SPPL3: variants seen among roughly 807,000 people sequenced by gnomAD.
SPPL3 encodes signal peptide peptidase-like 3.
In SPPL3, 5 loss-of-function variants were observed where a neutral mutation model predicts 42.4. The ratio of observed to expected loss-of-function variants is 0.12; its 90% CI spans 0.06 to 0.25. The LOEUF (loss-of-function observed/expected upper bound fraction) is 0.25, where lower values mean the gene tolerates loss of function less well. SPPL3 is among the 10% of genes least tolerant of loss of function. The pLI is 1.00. For missense variants in SPPL3, 235 were observed against 489.0 expected (o/e 0.48, Z 4.90); for synonymous variants, 195 against 181.8 (o/e 1.07, Z -0.58).
chr12:120,818,769 CA>C (rs1446090805), intron 1 of SPPL3, among the ~76,000 whole-genome samples: 1 of 152,120 alleles, frequency 6.6e-6, no homozygotes, highest in African/African-American at 2.4e-5. Context: ...AGCTTTAGCA[CA>C]TGTGGGTTAG....
At chr12:120,864,385 A>G (rs1396676379) in intron 1 of SPPL3, among the ~76,000 whole-genome samples, 1 of 152,080 alleles carries the variant, frequency 6.6e-6, no homozygotes, top group Non-Finnish European at 1.5e-5. Flanking sequence ...AAATATAAAA[A>G]TCAGCCGGGT....
chr12:120,865,496 T>C (rs1268306127), intron 1 of SPPL3, among the ~76,000 whole-genome samples: 1 of 152,232 alleles, frequency 6.6e-6, no homozygotes, highest in Non-Finnish European at 1.5e-5. Flanking sequence ...CTATGAAAGC[T>C]GTGAGGATTC....
At chr12:120,835,103 CCA>C (rs549343143) in intron 1 of SPPL3, among the ~76,000 whole-genome samples, 181 of 152,256 alleles carry the variant, frequency 1.2e-3, no homozygotes, top group Non-Finnish European at 2.1e-3. Context: ...TCCTGTTAGA[CCA>C]CAGTCTCCTG....
intron 1 of SPPL3, among the ~76,000 whole-genome samples, chr12:120,894,453 C>T (rs1041899246): frequency 2.6e-5 from 4 of 152,232 alleles, no homozygotes; most frequent in African/African-American, 7.2e-5. Flanking sequence ...TAAACAAGGT[C>T]TAGACAAAAC....
At chr12:120,771,196 A>C (rs1466646266) in intron 6 of SPPL3, among the ~76,000 whole-genome samples, 1 of 152,146 alleles carries the variant, frequency 6.6e-6, no homozygotes, top group African/African-American at 2.4e-5. Context: ...AAAACTCTTA[A>C]ACAACTTCCC....
intron 2 of SPPL3, among the ~76,000 whole-genome samples, chr12:120,806,128 A>G (rs958717761): frequency 1.3e-5 from 2 of 152,068 alleles, no homozygotes; most frequent in Non-Finnish European, 2.9e-5. Context: ...ACAACAATCA[A>G]AACATTGGCA....
chr12:120,903,974 T>G lies in SPPL3; in HGVS notation c.-107A>C. Reference sequence around the variant, plus strand: ...CGGCCGGGGTCCGGTGCTTGCTTGCTTGCTCGCTCGCTGGCTCGCTGGCTG... The same window carrying G: ...CGGCCGGGGTCCGGTGCTTGCTTGCGTGCTCGCTCGCTGGCTCGCTGGCTG... On this transcript the variant is annotated 5_prime_UTR_variant, in exon 1 of 11. Transcript: ENST00000353487. 1 of 989,572 alleles carries G rather than the reference T, an allele frequency of 1.0e-6. No individual in the cohort carries two copies. Among genetic ancestry groups the G allele is most frequent in the Non-Finnish European group, 1.3e-6 (1 of 766,730 alleles). The allele number at this position is 989,572 out of a possible 1,614,324, so 61.3% of individuals were successfully genotyped here. A position where few individuals can be genotyped will look rare whatever the true frequency, so the allele number is the denominator to read the frequency against.
intron 2 of SPPL3, among the ~76,000 whole-genome samples, chr12:120,803,217 T>C (rs1346589218): frequency 6.6e-6 from 1 of 152,230 alleles, no homozygotes; most frequent in Non-Finnish European, 1.5e-5. Context: ...GCTGGCATTA[T>C]GGTATGCATT....
intron 2 of SPPL3, among the ~76,000 whole-genome samples, chr12:120,798,688 T>C (rs955082776): frequency 1.3e-5 from 2 of 152,252 alleles, no homozygotes; most frequent in South Asian, 2.1e-4. Flanking sequence ...AATTCACTTA[T>C]GAATGGAATA....
chr12:120,826,713 G>T (rs561743707), intron 1 of SPPL3, among the ~76,000 whole-genome samples: 2 of 152,024 alleles, frequency 1.3e-5, no homozygotes, highest in Non-Finnish European at 2.9e-5. Context: ...AATGACTAAG[G>T]TCTTTGATCT....
chr12:120,841,205 AC>A (rs1399069925), intron 1 of SPPL3, among the ~76,000 whole-genome samples: 1 of 151,568 alleles, frequency 6.6e-6, no homozygotes, highest in Non-Finnish European at 1.5e-5. Flanking sequence ...CATGCCTGTA[AC>A]CCCTGCTACT....
At chr12:120,864,817 C>T (rs1872712752) in intron 1 of SPPL3, among the ~76,000 whole-genome samples, 1 of 152,052 alleles carries the variant, frequency 6.6e-6, no homozygotes, top group Non-Finnish European at 1.5e-5. Context: ...TCACACAAAG[C>T]ATTAAAAAGA....
At chr12:120,785,307 T>C (rs547059008) in intron 3 of SPPL3, among the ~76,000 whole-genome samples, 4 of 152,172 alleles carry the variant, frequency 2.6e-5, no homozygotes, top group Admixed American at 1.3e-4. Context: ...GAATAGGAGA[T>C]GAATACGGGA....
intron 1 of SPPL3, among the ~76,000 whole-genome samples, chr12:120,892,020 A>C (rs998567898): frequency 6.6e-6 from 1 of 152,182 alleles, no homozygotes; most frequent in African/African-American, 2.4e-5. Flanking sequence ...AAATTTGGAC[A>C]TAACACTTGA....
chr12:120,867,439 G>C (rs1872787721), intron 1 of SPPL3, among the ~76,000 whole-genome samples: 2 of 152,078 alleles, frequency 1.3e-5, no homozygotes, highest in African/African-American at 2.4e-5. Flanking sequence ...GGCCGAGGTG[G>C]GTGGATCACA....
chr12:120,816,142 G>A (rs1434370940), intron 1 of SPPL3, among the ~76,000 whole-genome samples: 1 of 152,124 alleles, frequency 6.6e-6, no homozygotes, highest in Admixed American at 6.5e-5. Context: ...TCTAGATGAA[G>A]GTTTGACCAT....
chr12:120,881,914 G>A (rs1396161902), intron 1 of SPPL3, among the ~76,000 whole-genome samples: 1 of 151,988 alleles, frequency 6.6e-6, no homozygotes, highest in Non-Finnish European at 1.5e-5. Flanking sequence ...GGGGAGAGAG[G>A]GGAATGAGGA....
At chr12:120,842,703 A>G (rs1871872140) in intron 1 of SPPL3, among the ~76,000 whole-genome samples, 1 of 152,094 alleles carries the variant, frequency 6.6e-6, no homozygotes, top group Non-Finnish European at 1.5e-5. Context: ...TTATAAGGGC[A>G]CTAATCCCAT....
chr12:120,896,898 T>C (rs527882639), intron 1 of SPPL3, among the ~76,000 whole-genome samples: 2 of 152,320 alleles, frequency 1.3e-5, no homozygotes, highest in African/African-American at 2.4e-5. Flanking sequence ...AAAAATAGAT[T>C]ATAGAATTTT....
Sources: allele counts gnomAD v4.1 joint callset (sites outside exome capture counted in the v4.1 genomes callset), GRCh38; gene constraint gnomAD v4.1.1; transcripts MANE v1.5; gene names NCBI Gene and HGNC (gene_info 2026-07-23, HGNC 2026-07-21).